PAPPA: variants seen among roughly 807,000 people sequenced by gnomAD.
PAPPA encodes the protein pappalysin 1.
A neutral mutation model predicts 164.0 loss-of-function variants in PAPPA; 60 were observed. The observed-to-expected ratio is 0.37, with a 90% CI of 0.30 to 0.45. The LOEUF is 0.45. Ranked by LOEUF, PAPPA falls within the 20% of genes least tolerant of loss-of-function variation. The probability of loss-of-function intolerance (pLI) is 1.00; values close to 1 mark genes in which losing one functional copy is unlikely to be tolerated. For synonymous variants in PAPPA, 875 were observed against 814.1 expected (o/e 1.07, Z -1.27); for missense variants, 1,782 against 2,087.3 (o/e 0.85, Z 2.85).
At chr9:116,367,860 A>G (rs1050170677) in intron 19 of PAPPA, 106 bp downstream of exon 19, 1 of 766,194 alleles carries the variant, frequency 1.3e-6, no homozygotes, top group Non-Finnish European at 2.3e-6. Context: ...CACACATATT[A>G]CCTCATTTAA....
At chr9:116,230,559 T>C (rs1177088913) in intron 6 of PAPPA, among the ~76,000 whole-genome samples, 1 of 152,232 alleles carries the variant, frequency 6.6e-6, no homozygotes, top group Non-Finnish European at 1.5e-5. Context: ...TAATATCCTT[T>C]CTAGCTCTAA....
chr9:116,172,777 T>A (rs547608112), intron 1 of PAPPA, among the ~76,000 whole-genome samples: 1 of 152,338 alleles, frequency 6.6e-6, no homozygotes, highest in African/African-American at 2.4e-5. Flanking sequence ...TGCTTGTTTC[T>A]ATGCCTTTTT....
At chr9:116,231,347 T>C (rs1298380165) in intron 6 of PAPPA, among the ~76,000 whole-genome samples, 2 of 152,042 alleles carry the variant, frequency 1.3e-5, no homozygotes, top group Non-Finnish European at 2.9e-5. Context: ...CCCTTCCTTA[T>C]CTTCTTCCTT....
At chr9:116,310,232 C>T (rs1488245208) in intron 10 of PAPPA, among the ~76,000 whole-genome samples, 1 of 152,178 alleles carries the variant, frequency 6.6e-6, no homozygotes, top group Non-Finnish European at 1.5e-5. Context: ...CCAAAGCATT[C>T]ATCTCCTCTC....
chr9:116,274,158 G>A (rs374742089), intron 9 of PAPPA, among the ~76,000 whole-genome samples: 15 of 151,872 alleles, frequency 9.9e-5, no homozygotes, highest in African/African-American at 3.1e-4. Context: ...AAAACAAGTC[G>A]TATCACAAAT....
intron 9 of PAPPA, among the ~76,000 whole-genome samples, chr9:116,284,652 A>T (rs763145393): frequency 6.9e-6 from 1 of 144,248 alleles, no homozygotes; most frequent in Non-Finnish European, 1.5e-5. Flanking sequence ...AAAGCTTGCC[A>T]TCTTTCTTTC....
intron 1 of PAPPA, among the ~76,000 whole-genome samples, chr9:116,174,823 T>C (rs1476521397): frequency 2.0e-5 from 3 of 152,064 alleles, no homozygotes; most frequent in African/African-American, 7.2e-5. Flanking sequence ...AAGCATAATT[T>C]TGGAAGAAGG....
intron 10 of PAPPA, among the ~76,000 whole-genome samples, chr9:116,305,436 A>G (rs1845633772): frequency 7.1e-6 from 1 of 140,694 alleles, no homozygotes; most frequent in South Asian, 2.4e-4. Flanking sequence ...CTTTCCCCCC[A>G]GATGCTCATA....
chr9:116,353,684 T>C lies in PAPPA; in HGVS notation c.4238T>C (p.Val1413Ala), dbSNP rs1254920085. 6.2e-7 allele frequency: 1 copy of C among 1,614,100 alleles called. No individual in the cohort carries two copies. Among genetic ancestry groups the C allele is most frequent in the Non-Finnish European group, 8.5e-7 (1 of 1,179,980 alleles). ...GSWQEGACVPVTCDPPPPKFH... is the reference protein window; with the variant it reads ...GSWQEGACVPATCDPPPPKFH... ...TGGCAGGAGGGAGCTTGTGTTCCTG[T>C]GACCTGTGACCCACCTCCACCAAAA... The change falls in exon 17 of 22, where the codon GTG becomes GCG. Residue 1413 changes from valine (V) to alanine (A), a missense_variant. Val to Ala is a moderately conservative substitution (Grantham distance 64, BLOSUM62 0). Around this residue, in one of 2 missense-constraint regions of PAPPA, gnomAD observed 1,324 missense variants for 1,656.9 expected, o/e 0.80. Transcript: ENST00000328252.
chr9:116,184,551 G>A (rs910713993), intron 1 of PAPPA, among the ~76,000 whole-genome samples: 8 of 152,092 alleles, frequency 5.3e-5, no homozygotes, highest in African/African-American at 9.7e-5. Flanking sequence ...TTGGACAGCC[G>A]TTGTATGCGG....
chr9:116,315,455 T>A (rs536840760), intron 10 of PAPPA, among the ~76,000 whole-genome samples: 1 of 152,226 alleles, frequency 6.6e-6, no homozygotes, highest in Non-Finnish European at 1.5e-5. Context: ...AATTTCATGA[T>A]AAATACTGAT....
intron 1 of PAPPA, among the ~76,000 whole-genome samples, chr9:116,179,411 C>A (rs1335045808): frequency 6.6e-6 from 1 of 152,188 alleles, no homozygotes; most frequent in Non-Finnish European, 1.5e-5. Context: ...CTGAGCTAAC[C>A]CTGACTTGGA....
chr9:116,309,091 T>A (rs1467688198), intron 10 of PAPPA, among the ~76,000 whole-genome samples: 1 of 152,008 alleles, frequency 6.6e-6, no homozygotes, highest in Admixed American at 6.5e-5. Flanking sequence ...TTTCTTTTTT[T>A]TTTTGGCAAA....
intron 7 of PAPPA, among the ~76,000 whole-genome samples, chr9:116,239,448 A>G (rs887143975): frequency 1.3e-5 from 2 of 152,166 alleles, no homozygotes; most frequent in Admixed American, 6.6e-5. Context: ...AGACATAGAG[A>G]AGGTGTCTGG....
At chr9:116,231,198 T>C (rs1564192410) in intron 6 of PAPPA, among the ~76,000 whole-genome samples, 1 of 152,184 alleles carries the variant, frequency 6.6e-6, no homozygotes. Flanking sequence ...AGTGGACAGT[T>C]TATATAAACA....
intron 2 of PAPPA, among the ~76,000 whole-genome samples, chr9:116,193,053 C>T (rs1844062361): frequency 1.3e-5 from 2 of 152,184 alleles, no homozygotes; most frequent in Non-Finnish European, 2.9e-5. Context: ...TTTCCCTATA[C>T]ACTGTTGTCT....
intron 1 of PAPPA, among the ~76,000 whole-genome samples, chr9:116,159,780 C>T (rs1310516817): frequency 6.6e-6 from 1 of 152,150 alleles, no homozygotes; most frequent in Non-Finnish European, 1.5e-5. Flanking sequence ...AATCAAGGTC[C>T]AGAGATATGG....
chr9:116,208,103 C>A (rs1206391386), intron 3 of PAPPA, among the ~76,000 whole-genome samples: 1 of 152,216 alleles, frequency 6.6e-6, no homozygotes, highest in African/African-American at 2.4e-5. Flanking sequence ...CACCCACCAA[C>A]ACCAACAGGA....
chr9:116,304,957 AAT>A (rs1376358086), intron 10 of PAPPA, among the ~76,000 whole-genome samples: 2 of 152,080 alleles, frequency 1.3e-5, no homozygotes, highest in Admixed American at 6.6e-5. Flanking sequence ...TCGGGGAGGG[AAT>A]ATGTGTGCAG....
Sources: gnomAD v4.1 joint callset for allele counts (sites outside exome capture counted in the v4.1 genomes callset) on GRCh38, gnomAD v4.1.1 for gene constraint, gnomAD v4.1.1 regional missense constraint, MANE v1.5 for transcripts, NCBI Gene and HGNC (gene_info 2026-07-23, HGNC 2026-07-21) for gene names.